GMNC: variants seen among roughly 807,000 people sequenced by gnomAD.
The protein encoded by GMNC is geminin coiled-coil domain-containing protein 1.
Under a neutral mutation model 33.6 loss-of-function variants are expected in GMNC, and 16 were observed. The ratio of observed to expected loss-of-function variants is 0.48; its 90% CI spans 0.32 to 0.72. GMNC has a LOEUF of 0.72. GMNC is among the 30% of genes least tolerant of loss of function. The pLI is 0.03. For missense variants in GMNC, 393 were observed against 388.9 expected, an observed-to-expected ratio of 1.01 and a Z score of -0.09; for synonymous variants, 156 against 147.3, an observed-to-expected ratio of 1.06 and a Z score of -0.43.
Position 190,855,394 on chromosome 3 carries a change from A to T in GMNC, c.906T>A (p.His302Gln), listed in dbSNP as rs751937584. The T allele has an allele frequency of 2.4e-5, 38 of 1,552,030 alleles. 1 individual carries two copies. In the South Asian group the frequency reaches 4.5e-4, roughly 18 times the overall value. ...GGAAGGAATGAGTTTTCACATTACA[A>T]TGAGGGCTCAGGGATGTGGAAAATG... Reference protein sequence around the residue: ...EMAFSTSLSPHCNVKTHSFHQ... With the variant: ...EMAFSTSLSPQCNVKTHSFHQ... Residue 302 changes from histidine (H) to glutamine (Q), a missense_variant, in exon 5 of 5, where the codon CAT becomes CAA. His to Gln is a conservative substitution (Grantham distance 24, BLOSUM62 0). Coordinates refer to ENST00000442080, the MANE Select transcript of GMNC (RefSeq NM_001146686.3).
Position 190,855,276 on chromosome 3 carries a change from T to G in GMNC, c.*19A>C. On this transcript the variant is annotated 3_prime_UTR_variant, in exon 5 of 5. Transcript: ENST00000442080. ...GTAAACAGAGTTCGTGGCAGTGCTTTGTGATAAAAGAGGGGTCACTAAGAC... is the reference window on the plus strand; with the variant it reads ...GTAAACAGAGTTCGTGGCAGTGCTTGGTGATAAAAGAGGGGTCACTAAGAC... 6.5e-7 allele frequency: 1 copy of G among 1,548,116 alleles called. No individual in the cohort carries two copies. The highest frequency in any genetic ancestry group is 8.7e-7 in the Non-Finnish European group (1 of 1,144,744).
chr3:190,862,538 T>C lies in GMNC; in HGVS notation c.3+75A>G. The C allele has an allele frequency of 4.4e-6, 5 of 1,148,934 alleles. No individual in the cohort carries two copies. The highest frequency in any genetic ancestry group is 5.1e-6 in the Non-Finnish European group (4 of 779,080). The allele number at this position is 1,148,934 out of a possible 1,614,324, so 71.2% of individuals were successfully genotyped here. A position where few individuals can be genotyped will look rare whatever the true frequency, so the allele number is the denominator to read the frequency against. On this transcript the variant is annotated intron_variant, in intron 1 of 4. Coordinates refer to ENST00000442080, the MANE Select transcript of GMNC (RefSeq NM_001146686.3). The surrounding 1 kb of genome is among the most constrained non-coding windows in gnomAD (Gnocchi z 4.5). ...ATCTTGCTCCGAAGGTGGAATAAAT[T>C]CTAAATGCAAAGCTTATTAACTTTC...
Position 190,860,691 on chromosome 3 carries a change from C to A in GMNC, c.171G>T (p.Gln57His). 6.5e-7 allele frequency: 1 copy of A among 1,550,108 alleles called. No homozygotes were observed. Among genetic ancestry groups the A allele is most frequent in the South Asian group, 1.2e-5 (1 of 83,892 alleles). ...LDNRELQQAP[Q>H]AQESFSDSNF... ...CAGAAGAGCAGAACTTACCCTGTGC[C>A]TGTGGTGCTTGTTGGAGCTCTCTGT... Residue 57 changes from glutamine (Q) to histidine (H), a missense_variant, in exon 2 of 5, where the codon CAG (glutamine) becomes CAT (histidine). Transcript: ENST00000442080.
At chr3:190,860,957 A>G in intron 1 of GMNC, 99 bp from the exon 2 acceptor site, 1 of 773,894 alleles carries the variant, frequency 1.3e-6, no homozygotes, top group Non-Finnish European at 2.0e-6. Flanking sequence ...AATTACATGC[A>G]GTGAAATATA....
In GMNC at chr3:190,855,413, G is replaced by C. The variant is rs1461417334; in HGVS notation, c.887C>G (p.Ser296Cys). The change falls in exon 5 of 5, where the codon TCC becomes TGC. Residue 296 changes from serine to cysteine, a missense_variant. Physicochemically the swap from Ser to Cys is moderately radical, Grantham distance 112. Transcript: ENST00000442080. ...ATTACAATGAGGGCTCAGGGATGTG[G>C]AAAATGCCATCTCTGTCTTGTTGGG... Reference protein sequence around the residue: ...VSPNKTEMAFSTSLSPHCNVK... With the variant: ...VSPNKTEMAFCTSLSPHCNVK... The C allele has an allele frequency of 3.2e-6, 5 of 1,551,924 alleles. No homozygotes were observed.
At chr3:190,859,107 G>C in intron 2 of GMNC, 91 bp from the exon 3 acceptor site, 4 of 769,260 alleles carry the variant, frequency 5.2e-6, no homozygotes, top group Non-Finnish European at 8.4e-6. Flanking sequence ...AAGTTTAATA[G>C]GTTCAATTAT....
At chr3:190,856,314 TTTATAAATATTTATAAATAAATAA>T (rs906241039) in intron 4 of GMNC, among the ~76,000 whole-genome samples, 1 of 141,668 alleles carries the variant, frequency 7.1e-6, no homozygotes, top group Non-Finnish European at 1.5e-5. Flanking sequence ...CTTATATTTA[TTTATAAATATTTATAAATAAATAA>T]AAATATTTAT....
the GMNC span, among the ~76,000 whole-genome samples, chr3:190,846,290 G>C: frequency 6.6e-6 from 1 of 152,008 alleles, no homozygotes; most frequent in Non-Finnish European, 1.5e-5. Flanking sequence ...ATATGAAGAG[G>C]TAATTAGTTA....
At position 190,853,922 on chromosome 3, in the gene GMNC, T is replaced by C. The variant is rs1737678709; in HGVS notation, c.*1373A>G. On this transcript the variant is annotated 3_prime_UTR_variant, in exon 5 of 5. Coordinates refer to ENST00000442080, the MANE Select transcript of GMNC (RefSeq NM_001146686.3). ...TTATTTAAAAATTAATATGTATCTA[T>C]TTTTAGAGGCAAATTATTCTTACAC... 1 of 152,176 alleles carries C rather than the reference T, an allele frequency of 6.6e-6. No individual in the cohort carries two copies. The highest frequency in any genetic ancestry group is 6.5e-5 in the Admixed American group (1 of 15,282). 9.4% of individuals were successfully genotyped at this position (152,176 alleles called of 1,614,324 possible). A position where few individuals can be genotyped will look rare whatever the true frequency, so the allele number is the denominator to read the frequency against.
chr3:190,856,334 A>ATACTTATATTTATTT (rs1475070019), intron 4 of GMNC, among the ~76,000 whole-genome samples: 1 of 139,462 alleles, frequency 7.2e-6, no homozygotes, highest in African/African-American at 2.7e-5. Flanking sequence ...TTTATAAATA[A>ATACTTATATTTATTT]ATAAAAATAT....
downstream of GMNC, among the ~76,000 whole-genome samples, chr3:190,849,981 G>T (rs1737608786): frequency 6.6e-6 from 1 of 152,172 alleles, no homozygotes; most frequent in South Asian, 2.1e-4. Flanking sequence ...TTTAATATTA[G>T]TAACAGTAAT....
At position 190,854,273 on chromosome 3, in the gene GMNC, G is replaced by C. The variant is rs924486784; in HGVS notation, c.*1022C>G. 6.6e-5 allele frequency: 10 copies of C among 152,174 alleles called. No individual in the cohort carries two copies. Among genetic ancestry groups the C allele is most frequent in the African/African-American group, 2.4e-4 (10 of 41,444 alleles). The allele number at this position is 152,174 out of a possible 1,614,324, so 9.4% of individuals were successfully genotyped here. A position where few individuals can be genotyped will look rare whatever the true frequency, so the allele number is the denominator to read the frequency against. On this transcript the variant is annotated 3_prime_UTR_variant, in exon 5 of 5. Coordinates refer to ENST00000442080, the MANE Select transcript of GMNC (RefSeq NM_001146686.3). ...AAGTCGTTTTCGCAAAGTCATAGCAGATGAGTAGGTCTAAGTCTCATGATG... is the reference window on the plus strand; with the variant it reads ...AAGTCGTTTTCGCAAAGTCATAGCACATGAGTAGGTCTAAGTCTCATGATG...
intron 4 of GMNC, 40 bp from the exon 5 acceptor site, chr3:190,855,955 A>G (rs1737724591): frequency 4.2e-6 from 6 of 1,419,356 alleles, no homozygotes; most frequent in Non-Finnish European, 5.7e-6. Flanking sequence ...TTTTTCATAT[A>G]TTTACTAGTT....
chr3:190,862,570 C>T lies in GMNC; in HGVS notation c.3+43G>A. ...GCAAAGCTTATTAACTTTCAGAGACCCAAGTTTGCCAGCGGACTAGCTAAC... is the reference window on the plus strand; with the variant it reads ...GCAAAGCTTATTAACTTTCAGAGACTCAAGTTTGCCAGCGGACTAGCTAAC... On this transcript the variant is annotated intron_variant, in intron 1 of 4. Coordinates refer to ENST00000442080, the MANE Select transcript of GMNC (RefSeq NM_001146686.3). The surrounding 1 kb of genome is among the most constrained non-coding windows in gnomAD (Gnocchi z 4.5). 1 of 1,458,066 alleles carries T rather than the reference C, an allele frequency of 6.9e-7. No individual in the cohort carries two copies. Among genetic ancestry groups the T allele is most frequent in the Non-Finnish European group, 9.4e-7 (1 of 1,061,312 alleles). The allele number at this position is 1,458,066 out of a possible 1,614,324, so 90.3% of individuals were successfully genotyped here.
downstream of GMNC, among the ~76,000 whole-genome samples, chr3:190,849,273 A>T (rs1737598210): frequency 6.6e-6 from 1 of 152,136 alleles, no homozygotes; most frequent in Non-Finnish European, 1.5e-5. Context: ...GGAGGCTGAG[A>T]TTCCTGGGGT....
chr3:190,860,788 G>C lies in GMNC; in HGVS notation c.74C>G (p.Thr25Arg). Residue 25 changes from threonine to arginine, a missense_variant, in exon 2 of 5, where the codon ACA becomes AGA. Coordinates refer to ENST00000442080, the MANE Select transcript of GMNC (RefSeq NM_001146686.3). ...GQSYNCPYST[T>R]TSESSVDVST... Reference sequence around the variant, plus strand: ...AACGTCAACACTAGATTCTGACGTTGTAGTGGAATACGGGCAATTATAGCT... The same window carrying C: ...AACGTCAACACTAGATTCTGACGTTCTAGTGGAATACGGGCAATTATAGCT... 2 of 1,551,126 alleles carry C rather than the reference G, an allele frequency of 1.3e-6. No homozygotes were observed. Among genetic ancestry groups the C allele is most frequent in the Non-Finnish European group, 1.7e-6 (2 of 1,146,506 alleles).
At chr3:190,843,399 G>T in the GMNC span, among the ~76,000 whole-genome samples, 1 of 152,062 alleles carries the variant, frequency 6.6e-6, no homozygotes, top group Admixed American at 6.6e-5. Context: ...TCCTAGATGG[G>T]GTTGTAGAAC....
At chr3:190,846,706 C>T in the GMNC span, among the ~76,000 whole-genome samples, 1 of 152,142 alleles carries the variant, frequency 6.6e-6, no homozygotes, top group East Asian at 1.9e-4. Context: ...TTTATTTGTC[C>T]AACTAATATT....
downstream of GMNC, among the ~76,000 whole-genome samples, chr3:190,852,365 G>A (rs768752935): frequency 7.9e-5 from 12 of 151,888 alleles, no homozygotes. Flanking sequence ...CAAACTTATA[G>A]TTTAGCATCA....
Sources: allele counts gnomAD v4.1 joint callset (sites outside exome capture counted in the v4.1 genomes callset), GRCh38; gene constraint gnomAD v4.1.1; non-coding constraint Gnocchi (gnomAD v3.1); transcripts MANE v1.5; gene names NCBI Gene and HGNC (gene_info 2026-07-23, HGNC 2026-07-21).